Variants in NRXN3 observed in about 807,000 individuals in gnomAD.
The protein encoded by NRXN3 is neurexin III.
A neutral mutation model predicts 137.6 loss-of-function variants in NRXN3; 32 were observed. That is an observed-to-expected ratio of 0.23 (90% confidence interval 0.18 to 0.31). The LOEUF is 0.31. NRXN3 is among the 10% of genes least tolerant of loss of function. The pLI, the probability that NRXN3 is intolerant of heterozygous loss-of-function variation, is 1.00. For missense variants in NRXN3, 1,574 were observed against 2,062.5 expected, an observed-to-expected ratio of 0.76 and a Z score of 4.59; for synonymous variants, 798 against 784.5, an observed-to-expected ratio of 1.02 and a Z score of -0.29.
chr14:79,316,493 T>C (rs1011357390), intron 15 of NRXN3, among the ~76,000 whole-genome samples: 1 of 152,196 alleles, frequency 6.6e-6, no homozygotes. Flanking sequence ...AGTTGTTGAA[T>C]TGTGGAAAGA....
At chr14:79,767,943 G>A (rs2099061775) in intron 19 of NRXN3, among the ~76,000 whole-genome samples, 1 of 152,218 alleles carries the variant, frequency 6.6e-6, no homozygotes, top group African/African-American at 2.4e-5. Flanking sequence ...AGCAGGGTGA[G>A]GAATTGCCTC....
intron 16 of NRXN3, among the ~76,000 whole-genome samples, chr14:79,521,235 T>TTTTG (rs1195235694): frequency 1.3e-5 from 2 of 152,186 alleles, no homozygotes; most frequent in Non-Finnish European, 2.9e-5. Flanking sequence ...CTTTTTCTTA[T>TTTTG]TTTGTTTGTT....
chr14:79,152,434 T>C (rs1261972878), intron 15 of NRXN3, among the ~76,000 whole-genome samples: 1 of 152,016 alleles, frequency 6.6e-6, no homozygotes, highest in Non-Finnish European at 1.5e-5. Flanking sequence ...TCCCCACCAT[T>C]GACACATGCA....
intron 16 of NRXN3, among the ~76,000 whole-genome samples, chr14:79,528,910 T>G (rs1174158407): frequency 6.6e-6 from 1 of 152,130 alleles, no homozygotes; most frequent in South Asian, 2.1e-4. Flanking sequence ...CAGCTTCATC[T>G]CTCATTAATG....
intron 4 of NRXN3, among the ~76,000 whole-genome samples, chr14:78,396,834 G>A (rs1213404437): frequency 1.3e-5 from 2 of 152,120 alleles, no homozygotes; most frequent in African/African-American, 2.4e-5. Flanking sequence ...CATAGACTGA[G>A]GTGGCTTGAA....
intron 16 of NRXN3, among the ~76,000 whole-genome samples, chr14:79,533,029 T>C (rs1477835881): frequency 6.6e-6 from 1 of 152,116 alleles, no homozygotes. Flanking sequence ...GTATGGGGTA[T>C]TTCAATTGAG....
chr14:78,242,830 G>A lies in NRXN3; in HGVS notation c.-264G>A. On this transcript the variant is annotated 5_prime_UTR_variant, in exon 2 of 21. Transcript: ENST00000335750. ...ACTCCAGTCCCTCACTTCCCCACCT[G>A]ATTTTCCTCCTCTTCTGCTGGTCCT... is the stretch of plus-strand genomic sequence containing the variant. The A allele has an allele frequency of 2.2e-6, 1 of 459,586 alleles. No individual in the cohort carries two copies. The highest frequency in any genetic ancestry group is 3.9e-5 in the Admixed American group (1 of 25,942). 28.5% of individuals were successfully genotyped at this position (459,586 alleles called of 1,614,324 possible). A position where few individuals can be genotyped will look rare whatever the true frequency, so the allele number is the denominator to read the frequency against.
chr14:78,735,208 T>A (rs2098536134), intron 8 of NRXN3, among the ~76,000 whole-genome samples: 1 of 152,144 alleles, frequency 6.6e-6, no homozygotes, highest in African/African-American at 2.4e-5. Flanking sequence ...TAAGAAGAGA[T>A]TTTTATTCAA....
chr14:78,692,039 T>A (rs971878965), intron 6 of NRXN3, among the ~76,000 whole-genome samples: 2 of 152,162 alleles, frequency 1.3e-5, no homozygotes, highest in Non-Finnish European at 2.9e-5. Flanking sequence ...AATTATGTAC[T>A]ATTATTTACT....
chr14:78,641,349 CCTT>C (rs2097627408), intron 4 of NRXN3, among the ~76,000 whole-genome samples: 1 of 151,992 alleles, frequency 6.6e-6, no homozygotes, highest in Non-Finnish European at 1.5e-5. Context: ...ATTTTTTTCT[CCTT>C]CTCCTTTCTA....
At chr14:78,811,088 A>G (rs1258281522) in intron 10 of NRXN3, among the ~76,000 whole-genome samples, 1 of 152,222 alleles carries the variant, frequency 6.6e-6, no homozygotes. Flanking sequence ...CACAAGAGAA[A>G]GAATAGGCCT....
intron 10 of NRXN3, among the ~76,000 whole-genome samples, chr14:78,865,942 A>G (rs2099085627): frequency 6.6e-6 from 1 of 152,204 alleles, no homozygotes; most frequent in Admixed American, 6.5e-5. Flanking sequence ...AATATGTTAC[A>G]GTTGTTGCTA....
At chr14:79,678,835 A>G (rs947342443) in intron 17 of NRXN3, among the ~76,000 whole-genome samples, 2 of 152,158 alleles carry the variant, frequency 1.3e-5, no homozygotes, top group Non-Finnish European at 2.9e-5. Flanking sequence ...CTCTTGGATC[A>G]TTATTGCAAA....
intron 15 of NRXN3, among the ~76,000 whole-genome samples, chr14:79,276,029 C>T (rs879913423): frequency 6.6e-5 from 10 of 152,034 alleles, no homozygotes; most frequent in Non-Finnish European, 1.5e-4. Flanking sequence ...ACACTTGATT[C>T]CCAAGTGTTA....
chr14:79,487,533 G>A (rs914176819), intron 16 of NRXN3, among the ~76,000 whole-genome samples: 1 of 152,120 alleles, frequency 6.6e-6, no homozygotes, highest in South Asian at 2.1e-4. Flanking sequence ...CAGCTGGGCG[G>A]GAACACAGAT....
In NRXN3 at chr14:78,268,416, G is replaced by A. The variant is rs180951393; in HGVS notation, c.710-10229G>A. 3.2e-3 allele frequency among the ~76,000 whole-genome samples: 484 copies of A among 152,150 alleles called. 2 individuals carry two copies. Among genetic ancestry groups the A allele is most frequent in the Non-Finnish European group, 5.8e-3 (393 of 68,014 alleles). On this transcript the variant is annotated intron_variant, in intron 2 of 20. Coordinates refer to ENST00000335750, the MANE Select transcript of NRXN3 (RefSeq NM_001330195.2). ...TGAAATATGGCTCCTGAGATCCCACGCAGCATTGGACGTTGTACATACAAC... is the reference window on the plus strand; with the variant it reads ...TGAAATATGGCTCCTGAGATCCCACACAGCATTGGACGTTGTACATACAAC...
intron 11 of NRXN3, among the ~76,000 whole-genome samples, chr14:78,965,071 CCT>C (rs1290120850): frequency 3.3e-5 from 5 of 152,048 alleles, no homozygotes; most frequent in African/African-American, 1.2e-4. Flanking sequence ...TCCTCTGATC[CCT>C]CTGATTTTCT....
chr14:79,620,803 A>G (rs2098215626), intron 16 of NRXN3, among the ~76,000 whole-genome samples: 1 of 152,078 alleles, frequency 6.6e-6, no homozygotes, highest in Admixed American at 6.6e-5. Flanking sequence ...AGAGAAAGAG[A>G]TTTTGGAGAA....
chr14:78,293,589 T>C (rs1258247356), intron 3 of NRXN3, among the ~76,000 whole-genome samples: 2 of 152,190 alleles, frequency 1.3e-5, no homozygotes. Context: ...GCCATGATAC[T>C]AATGTAGGTC....
Sources: gnomAD v4.1 joint callset for allele counts (sites outside exome capture counted in the v4.1 genomes callset) on GRCh38, gnomAD v4.1.1 for gene constraint, MANE v1.5 for transcripts, NCBI Gene and HGNC (gene_info 2026-07-23, HGNC 2026-07-21) for gene names.